Variants in AFF2 observed in about 807,000 individuals in gnomAD.
AFF2 encodes AF4/FMR2 family member 2.
AFF2 carries 14 observed loss-of-function variants against 76.9 expected under a neutral mutation model. The observed-to-expected ratio is 0.18, with a 90% CI of 0.12 to 0.28. The LOEUF is 0.28. Among genes scored for constraint, AFF2 ranks in the 10% least tolerant of loss-of-function variants. AFF2 has a pLI of 1.00. For missense variants in AFF2, 868 were observed against 1,001.1 expected (o/e 0.87, Z 1.79); for synonymous variants, 398 against 366.7 (o/e 1.09, Z -0.98).
chrX:148,561,064 A>G (rs374447759), intron 1 of AFF2, among the ~76,000 whole-genome samples: 1 of 112,123 alleles, frequency 8.9e-6, no homozygotes, highest in Non-Finnish European at 1.9e-5. Flanking sequence ...TTCCTTGAGG[A>G]TGAAGTCTAT....
chrX:148,605,471 A>G (rs923090917), intron 1 of AFF2, among the ~76,000 whole-genome samples: 1 of 111,723 alleles, frequency 9.0e-6, no homozygotes, highest in African/African-American at 3.3e-5. Context: ...GAGAGAGCCT[A>G]GAAGTAATGA....
intron 3 of AFF2, among the ~76,000 whole-genome samples, chrX:148,809,191 A>G (rs945731111): frequency 8.9e-6 from 1 of 112,231 alleles, no homozygotes; most frequent in Non-Finnish European, 1.9e-5. Context: ...GCACTGTCTT[A>G]CAGCTGGTTG....
Position 148,837,642 on chromosome X carries a change from A to C in AFF2, c.1087-5A>C. 1 of 1,130,682 alleles carries C rather than the reference A, an allele frequency of 8.8e-7. No homozygotes were observed. The highest frequency in any genetic ancestry group is 1.2e-6 in the Non-Finnish European group (1 of 823,112). 93.2% of individuals were successfully genotyped at this position (1,130,682 alleles called of 1,213,427 possible). A position where few individuals can be genotyped will look rare whatever the true frequency, so the allele number is the denominator to read the frequency against. On this transcript the variant is annotated splice_region_variant and splice_polypyrimidine_tract_variant and intron_variant, in intron 4 of 20. Transcript: ENST00000370460. ...AAATAAAGTTTCTTTATTTTTCCTCATTAGGAGATGACCCATTCCTGGCCT... is the reference window on the plus strand; with the variant it reads ...AAATAAAGTTTCTTTATTTTTCCTCCTTAGGAGATGACCCATTCCTGGCCT...
chrX:148,931,287 A>G (rs2071711240), intron 9 of AFF2, among the ~76,000 whole-genome samples: 1 of 106,954 alleles, frequency 9.3e-6, no homozygotes, highest in African/African-American at 3.4e-5. Flanking sequence ...AAATTCATAT[A>G]CAAGCCATGT....
intron 9 of AFF2, among the ~76,000 whole-genome samples, chrX:148,929,639 C>G (rs2071690129): frequency 1.8e-5 from 2 of 111,744 alleles, no homozygotes; most frequent in Non-Finnish European, 3.8e-5. Context: ...TTCACTCACC[C>G]CAAGAATTCA....
chrX:148,832,854 T>A (rs1208460504), intron 4 of AFF2, among the ~76,000 whole-genome samples: 1 of 111,729 alleles, frequency 9.0e-6, no homozygotes, highest in African/African-American at 3.3e-5. Flanking sequence ...AGTTAAGTTC[T>A]CCCTATCTTA....
At chrX:148,565,805 T>C (rs899205118) in intron 1 of AFF2, among the ~76,000 whole-genome samples, 2 of 111,032 alleles carry the variant, frequency 1.8e-5, no homozygotes, top group Non-Finnish European at 3.8e-5. Context: ...ATATCTTTAT[T>C]TCTATTCTTC....
chrX:148,771,947 A>T (rs1201704773), intron 3 of AFF2, among the ~76,000 whole-genome samples: 2 of 111,787 alleles, frequency 1.8e-5, no homozygotes, highest in East Asian at 2.8e-4. Context: ...CCAGTTTGAA[A>T]TGTAAAGACA....
At chrX:148,699,513 A>G (rs2054761174) in intron 3 of AFF2, among the ~76,000 whole-genome samples, 1 of 112,019 alleles carries the variant, frequency 8.9e-6, no homozygotes, top group Admixed American at 9.5e-5. Flanking sequence ...TTTGGAGAGC[A>G]TGGAATACAC....
chrX:148,673,337 C>A (rs1177800772), intron 3 of AFF2, among the ~76,000 whole-genome samples: 1 of 111,733 alleles, frequency 8.9e-6, no homozygotes, highest in Non-Finnish European at 1.9e-5. Context: ...CAAAAAGATG[C>A]CACACTCATT....
intron 1 of AFF2, among the ~76,000 whole-genome samples, chrX:148,519,022 T>C (rs2052567803): frequency 9.0e-6 from 1 of 111,720 alleles, no homozygotes; most frequent in African/African-American, 3.3e-5. Context: ...GACTGACCTA[T>C]ATATTGCCTT....
chrX:148,938,417 A>G (rs1199781934), intron 9 of AFF2, among the ~76,000 whole-genome samples: 2 of 112,319 alleles, frequency 1.8e-5, no homozygotes, highest in African/African-American at 6.5e-5. Flanking sequence ...TATCAGACTT[A>G]TATTACATTC....
chrX:148,995,136 CGTTGTTGTTATT>C lies in AFF2; in HGVS notation c.*3814_*3825del, dbSNP rs1489264036. On this transcript the variant is annotated 3_prime_UTR_variant, in exon 21 of 21. Coordinates refer to ENST00000370460, the MANE Select transcript of AFF2 (RefSeq NM_002025.4). ...ATGACTGGCAGACTAAATTCTTCATCGTTGTTGTTATTGTTGTTGTTGTTTCTCATTTTCACT... is the reference window on the plus strand; with the variant it reads ...ATGACTGGCAGACTAAATTCTTCATCGTTGTTGTTGTTTCTCATTTTCACT... The C allele has an allele frequency of 2.7e-5, 3 of 111,519 alleles. No individual in the cohort carries two copies. Among genetic ancestry groups the C allele is most frequent in the African/African-American group, 9.8e-5 (3 of 30,557 alleles). The allele number at this position is 111,519 out of a possible 1,213,427, so 9.2% of individuals were successfully genotyped here.
chrX:148,754,635 A>C (rs921568600), intron 3 of AFF2, among the ~76,000 whole-genome samples: 1 of 111,022 alleles, frequency 9.0e-6, no homozygotes, highest in East Asian at 2.8e-4. Flanking sequence ...TTTTCCCTAC[A>C]CCAGGAGGAT....
chrX:148,532,516 G>GA (rs1235643109), intron 1 of AFF2, among the ~76,000 whole-genome samples: 1 of 112,057 alleles, frequency 8.9e-6, no homozygotes, highest in Non-Finnish European at 1.9e-5. Context: ...AGTTCATTCA[G>GA]AAAAAACAGT....
At chrX:148,898,847 T>C (rs926220595) in intron 8 of AFF2, among the ~76,000 whole-genome samples, 3 of 111,679 alleles carry the variant, frequency 2.7e-5, no homozygotes, top group Non-Finnish European at 5.7e-5. Flanking sequence ...GAACAAATTT[T>C]CCCCAACCTC....
intron 9 of AFF2, among the ~76,000 whole-genome samples, chrX:148,924,880 T>G (rs1557283596): frequency 8.9e-6 from 1 of 112,433 alleles, no homozygotes; most frequent in African/African-American, 3.2e-5. Flanking sequence ...TGCCAGAAGG[T>G]TCTTTGTAGG....
intron 3 of AFF2, among the ~76,000 whole-genome samples, chrX:148,806,700 G>T (rs782727638): frequency 9.0e-6 from 1 of 111,575 alleles, no homozygotes; most frequent in Non-Finnish European, 1.9e-5. Flanking sequence ...GAATGAATGC[G>T]ATCCTATTAC....
At chrX:148,858,407 GT>G (rs1479232835) in intron 7 of AFF2, among the ~76,000 whole-genome samples, 117 of 111,402 alleles carry the variant, frequency 1.1e-3, no homozygotes, top group African/African-American at 3.1e-3. Context: ...TAAAAAGGTA[GT>G]TTTTCACCCT....
Sources: gnomAD v4.1 joint callset for allele counts (sites outside exome capture counted in the v4.1 genomes callset) on GRCh38, gnomAD v4.1.1 for gene constraint, MANE v1.5 for transcripts, NCBI Gene and HGNC (gene_info 2026-07-23, HGNC 2026-07-21) for gene names.